The following KANSL1 variants were observed in gnomAD, a reference collection of about 807,000 sequenced individuals.
KANSL1 encodes the protein KAT8 regulatory NSL complex subunit 1.
In KANSL1, 22 loss-of-function variants were observed where a neutral mutation model predicts 103.6. The observed-to-expected ratio is 0.21, with a 90% CI of 0.15 to 0.30. The LOEUF (loss-of-function observed/expected upper bound fraction) is 0.30, where lower values mean the gene tolerates loss of function less well. Ranked by LOEUF, KANSL1 falls within the 10% of genes least tolerant of loss-of-function variation. KANSL1 has a pLI of 1.00. For synonymous variants in KANSL1, 600 were observed against 527.6 expected, an observed-to-expected ratio of 1.14 and a Z score of -1.88; for missense variants, 1,337 against 1,399.8, an observed-to-expected ratio of 0.96 and a Z score of 0.72.
intron 2 of KANSL1, among the ~76,000 whole-genome samples, chr17:46,128,342 G>T (rs1462201530): frequency 1.3e-5 from 2 of 152,012 alleles, no homozygotes; most frequent in African/African-American, 4.8e-5. Flanking sequence ...GCATTTTTTG[G>T]ATGCCTCATA....
intron 1 of KANSL1, among the ~76,000 whole-genome samples, chr17:46,184,837 CTTTTTTTTTTT>C (rs66507225): frequency 7.8e-6 from 1 of 128,290 alleles, no homozygotes; most frequent in Non-Finnish European, 1.6e-5. Flanking sequence ...AGAGTATGTA[CTTTTTTTTTTT>C]TTTTTTTTTG....
chr17:46,088,676 C>T (rs2079257892), intron 3 of KANSL1: 1 of 152,508 alleles, frequency 6.6e-6, no homozygotes, highest in African/African-American at 2.4e-5. Context: ...GAGTTTGAGA[C>T]CAGCCTGGAC....
chr17:46,102,794 A>C (rs141861433), intron 2 of KANSL1, among the ~76,000 whole-genome samples: 1,576 of 152,358 alleles, frequency 0.01, 25 homozygotes, highest in African/African-American at 0.034. Context: ...TAGGGATGCA[A>C]AAACAAGAAC....
At chr17:46,083,677 G>C (rs894884128) in intron 3 of KANSL1, among the ~76,000 whole-genome samples, 2 of 152,138 alleles carry the variant, frequency 1.3e-5, no homozygotes, top group Non-Finnish European at 2.9e-5. Flanking sequence ...TGGGATGACA[G>C]GTGCCTACCA....
At chr17:46,225,159 T>G (rs1255483588), upstream of KANSL1, among the ~76,000 whole-genome samples, 3 of 151,702 alleles carry the variant, frequency 2.0e-5, no homozygotes, top group Admixed American at 2.0e-4. Flanking sequence ...CCCCGCCGCT[T>G]CCAGGGCCCT....
intron 2 of KANSL1, among the ~76,000 whole-genome samples, chr17:46,139,166 A>G (rs1024993107): frequency 3.3e-5 from 5 of 152,208 alleles, no homozygotes; most frequent in African/African-American, 1.2e-4. Context: ...CAGGAAACCA[A>G]TGTCTATTTA....
At chr17:46,101,716 TG>T (rs1490658322) in intron 2 of KANSL1, among the ~76,000 whole-genome samples, 1 of 125,492 alleles carries the variant, frequency 8.0e-6, no homozygotes, top group Non-Finnish European at 1.5e-5. Flanking sequence ...ATCGTGCCAC[TG>T]CTCTCCAGCC....
At chr17:46,039,477 C>T (rs16940845) in intron 8 of KANSL1, 1 of 609,202 alleles carries the variant, frequency 1.6e-6, no homozygotes, top group Non-Finnish European at 2.8e-6. Context: ...TGGCTGTTCA[C>T]TGAGCATTTT....
intron 1 of KANSL1, among the ~76,000 whole-genome samples, chr17:46,187,678 G>A (rs2047095280): frequency 6.6e-6 from 1 of 152,234 alleles, no homozygotes; most frequent in Non-Finnish European, 1.5e-5. Context: ...TCTTGGAAAA[G>A]CAAGGCTTGC....
At chr17:46,219,859 T>C (rs1411782774) in intron 1 of KANSL1, among the ~76,000 whole-genome samples, 1 of 152,184 alleles carries the variant, frequency 6.6e-6, no homozygotes, top group Non-Finnish European at 1.5e-5. Context: ...ATCCCAGCAC[T>C]TTGGGAGGCC....
At chr17:46,079,994 A>C (rs2078924312) in intron 4 of KANSL1, among the ~76,000 whole-genome samples, 2 of 152,004 alleles carry the variant, frequency 1.3e-5, no homozygotes, top group Admixed American at 1.3e-4. Context: ...GGAAAGAAAG[A>C]GAGAAAAAGA....
At chr17:46,196,739 GT>G, upstream of KANSL1, 2 of 254,076 alleles carry the variant, frequency 7.9e-6, no homozygotes, top group Admixed American at 5.1e-5. Context: ...GAGTTCTAAT[GT>G]TTTTTAGTAT....
chr17:46,168,007 T>C (rs560609637), intron 2 of KANSL1, among the ~76,000 whole-genome samples: 168 of 152,352 alleles, frequency 1.1e-3, no homozygotes, highest in Admixed American at 2.5e-3. Context: ...AGACGAAACC[T>C]AGCCCACCAC....
At chr17:46,157,673 A>C (rs1281161012) in intron 2 of KANSL1, among the ~76,000 whole-genome samples, 1 of 152,246 alleles carries the variant, frequency 6.6e-6, no homozygotes, top group Non-Finnish European at 1.5e-5. Context: ...CAAATACTAA[A>C]TTAGCTTTTC....
chr17:46,106,456 G>A (rs1270189106), intron 2 of KANSL1, among the ~76,000 whole-genome samples: 10 of 152,126 alleles, frequency 6.6e-5, no homozygotes, highest in African/African-American at 1.7e-4. Context: ...ACAGTGGTGC[G>A]ATCTCGGCTC....
chr17:46,200,422 G>A (rs1356108052), intron 1 of KANSL1, among the ~76,000 whole-genome samples: 2 of 152,178 alleles, frequency 1.3e-5, no homozygotes, highest in Non-Finnish European at 2.9e-5. Context: ...GAGGCAGCAG[G>A]TGTACAAGGC....
At chr17:46,034,583 G>A in intron 10 of KANSL1, 1 of 346,948 alleles carries the variant, frequency 2.9e-6, no homozygotes, top group South Asian at 2.5e-5. Flanking sequence ...GATCTTAACT[G>A]TTGGGGTTCC....
intron 6 of KANSL1, among the ~76,000 whole-genome samples, chr17:46,057,942 A>G (rs972230781): frequency 3.3e-5 from 5 of 152,246 alleles, no homozygotes; most frequent in Non-Finnish European, 7.3e-5. Context: ...AACAGGCAGT[A>G]TAACACTGAG....
chr17:46,067,419 T>C (rs1010375087), intron 5 of KANSL1, 130 bp downstream of exon 5: 14 of 682,154 alleles, frequency 2.1e-5, no homozygotes, highest in African/African-American at 1.6e-4. Flanking sequence ...CAGTGAAGAT[T>C]AAAAATGTTA....
Sources: allele counts gnomAD v4.1 joint callset (sites outside exome capture counted in the v4.1 genomes callset), GRCh38; gene constraint gnomAD v4.1.1; transcripts MANE v1.5; gene names NCBI Gene and HGNC (gene_info 2026-07-23, HGNC 2026-07-21).